MCCC2: variants seen among roughly 807,000 people sequenced by gnomAD.
The protein encoded by MCCC2 is methylcrotonoyl-CoA carboxylase beta chain, mitochondrial.
In MCCC2, 52 loss-of-function variants were observed where a neutral mutation model predicts 77.2. That is an observed-to-expected ratio of 0.67 (90% CI 0.54 to 0.85). The LOEUF is 0.85. Ranked by LOEUF, MCCC2 falls within the 40% of genes least tolerant of loss-of-function variation. MCCC2 has a pLI of 0.00. For synonymous variants in MCCC2, 253 were observed against 248.4 expected (o/e 1.02, Z -0.18); for missense variants, 682 against 703.2 (o/e 0.97, Z 0.34).
chr5:71,593,262 A>AT (rs960447000), intron 2 of MCCC2, among the ~76,000 whole-genome samples: 18 of 151,834 alleles, frequency 1.2e-4, no homozygotes, highest in African/African-American at 4.3e-4. Context: ...TAATTTTTGT[A>AT]TTTTTTAAAT....
chr5:71,640,961 T>G (rs745416943), intron 10 of MCCC2, 42 bp from the exon 11 acceptor site: 1 of 1,550,186 alleles, frequency 6.5e-7, no homozygotes, highest in Non-Finnish European at 8.9e-7. Context: ...AAAATTCTTT[T>G]GCAATATAAT....
intron 10 of MCCC2, among the ~76,000 whole-genome samples, chr5:71,639,864 A>G (rs955000962): frequency 6.6e-6 from 1 of 152,194 alleles, no homozygotes; most frequent in Admixed American, 6.5e-5. Flanking sequence ...AAAGAAGTAA[A>G]AAATAATTCA....
Position 71,656,751 on chromosome 5 carries a change from A to G in MCCC2, c.1583A>G (p.Asp528Gly), listed in dbSNP as rs1747591661. 2 of 1,613,452 alleles carry G rather than the reference A, an allele frequency of 1.2e-6. No homozygotes were observed. The highest frequency in any genetic ancestry group is 1.7e-6 in the Non-Finnish European group (2 of 1,179,444). Residue 528 changes from aspartate to glycine, a missense_variant, in exon 17 of 17, where the codon GAT becomes GGT. Physicochemically the swap from Asp to Gly is moderately conservative, Grantham distance 94. Transcript: ENST00000340941. Reference sequence around the variant, plus strand: ...TTTTGTTCTTTTGTCAGGGTATGGGATGATGGGATCATTGATCCAGCAGAC... The same window carrying G: ...TTTTGTTCTTTTGTCAGGGTATGGGGTGATGGGATCATTGATCCAGCAGAC... Reference protein sequence around the residue: ...NPYYSSARVWDDGIIDPADTR... With the variant: ...NPYYSSARVWGDGIIDPADTR...
chr5:71,619,681 G>A (rs2112390607), intron 6 of MCCC2, among the ~76,000 whole-genome samples: 2 of 152,262 alleles, frequency 1.3e-5, no homozygotes, highest in South Asian at 2.1e-4. Context: ...TTACAGGCGT[G>A]TGCTACCCTG....
In MCCC2 at chr5:71,604,394, G is replaced by C; in HGVS notation, c.550G>C (p.Val184Leu). Residue 184 changes from valine to leucine, a missense_variant, in exon 6 of 17, where the codon GTG becomes CTG. Val to Leu is a conservative substitution (Grantham distance 32). Coordinates refer to ENST00000340941, the MANE Select transcript of MCCC2 (RefSeq NM_022132.5). ...GGAYLPRQADVFPDRDHFGRT... is the reference protein window; with the variant it reads ...GGAYLPRQADLFPDRDHFGRT... ...AGCATACTTACCTCGACAAGCAGAT[G>C]TGTTTCCAGATCGAGACCACTTTGG... The C allele has an allele frequency of 1.9e-6, 3 of 1,614,136 alleles. No homozygotes were observed. The highest frequency in any genetic ancestry group is 2.5e-6 in the Non-Finnish European group (3 of 1,180,032).
In MCCC2 at chr5:71,650,105, C is replaced by T; in HGVS notation, c.1410C>T (p.Ile470=). 2.5e-6 allele frequency: 4 copies of T among 1,614,206 alleles called. No homozygotes were observed. Among genetic ancestry groups the T allele is most frequent in the Non-Finnish European group, 3.4e-6 (4 of 1,180,018 alleles). ...TCTACATTTGGCCAAATGCTCGTAT[C>T]TCAGTGATGGGAGGAGAGCAGGCAG... The part of the protein sequence containing the change: ...RFLYIWPNAR[I]SVMGGEQAAN... Residue 470 remains isoleucine, a synonymous_variant, in exon 15 of 17, where the codon ATC becomes ATT. Transcript: ENST00000340941.
At chr5:71,618,438 G>A (rs945068711) in intron 6 of MCCC2, among the ~76,000 whole-genome samples, 6 of 152,100 alleles carry the variant, frequency 3.9e-5, no homozygotes, top group Admixed American at 2.0e-4. Flanking sequence ...TTCCAGAACC[G>A]TGAAAAGTAA....
intron 6 of MCCC2, among the ~76,000 whole-genome samples, chr5:71,620,602 A>G (rs1286889717): frequency 6.6e-6 from 1 of 152,190 alleles, no homozygotes; most frequent in Non-Finnish European, 1.5e-5. Flanking sequence ...CTGTTGACCT[A>G]CAATATGTAA....
intron 11 of MCCC2, among the ~76,000 whole-genome samples, chr5:71,643,245 G>A (rs1339956686): frequency 6.6e-6 from 1 of 151,984 alleles, no homozygotes; most frequent in African/African-American, 2.4e-5. Flanking sequence ...AGCTGGGTGT[G>A]GGGGTGAGTG....
Position 71,656,914 on chromosome 5 carries a change from TA to T in MCCC2, c.*55del. ...ATGTACTGAAAATTAACACATGTAG[TA>T]GCCTTAAAATTTTAGACTTCTCGAA... On this transcript the variant is annotated 3_prime_UTR_variant, in exon 17 of 17. Coordinates refer to ENST00000340941, the MANE Select transcript of MCCC2 (RefSeq NM_022132.5). 7.3e-7 allele frequency: 1 copy of T among 1,379,064 alleles called. No individual in the cohort carries two copies. The highest frequency in any genetic ancestry group is 1.0e-6 in the Non-Finnish European group (1 of 966,792). The allele number at this position is 1,379,064 out of a possible 1,614,324, so 85.4% of individuals were successfully genotyped here.
chr5:71,613,239 T>C (rs572665459), intron 6 of MCCC2, among the ~76,000 whole-genome samples: 1 of 152,378 alleles, frequency 6.6e-6, no homozygotes, highest in African/African-American at 2.4e-5. Flanking sequence ...TTTTTATCTT[T>C]TGTTGGGGGA....
intron 7 of MCCC2, among the ~76,000 whole-genome samples, chr5:71,629,417 C>T (rs1368571795): frequency 5.3e-5 from 8 of 152,034 alleles, no homozygotes; most frequent in Non-Finnish European, 2.9e-5. Context: ...GATGGTTGCA[C>T]ACTTTGTGCA....
chr5:71,598,799 TGGA>T (rs1333907796), intron 3 of MCCC2, among the ~76,000 whole-genome samples: 3 of 152,024 alleles, frequency 2.0e-5, no homozygotes, highest in Admixed American at 2.0e-4. Context: ...TTGCCCAGGC[TGGA>T]GTGCAGTGGC....
Position 71,587,387 on chromosome 5 carries a change from G to A in MCCC2, c.-39G>A, listed in dbSNP as rs1744798543. 1 of 1,530,098 alleles carries A rather than the reference G, an allele frequency of 6.5e-7. No homozygotes were observed. Among genetic ancestry groups the A allele is most frequent in the South Asian group, 1.2e-5 (1 of 83,394 alleles). 94.8% of individuals were successfully genotyped at this position (1,530,098 alleles called of 1,614,324 possible). ...GCGGCAGGGGAAAGCACCGGCTCCA[G>A]GCCAGCGTGGGCCGCTCTCTCGCTC... is the stretch of plus-strand genomic sequence containing the variant. On this transcript the variant is annotated 5_prime_UTR_variant, in exon 1 of 17. Transcript: ENST00000340941.
intron 13 of MCCC2, among the ~76,000 whole-genome samples, 154 bp from the exon 14 acceptor site, chr5:71,648,943 A>G (rs778345166): frequency 2.0e-5 from 3 of 152,260 alleles, no homozygotes; most frequent in Non-Finnish European, 4.4e-5. Context: ...TTTAAAGCAA[A>G]CTTTTTAACG....
intron 14 of MCCC2, among the ~76,000 whole-genome samples, chr5:71,649,461 C>T (rs1335132094): frequency 2.0e-5 from 3 of 152,154 alleles, no homozygotes; most frequent in Non-Finnish European, 4.4e-5. Flanking sequence ...TCAAGAAATA[C>T]TTGAAATGGC....
At chr5:71,625,313 T>C (rs924488622) in intron 6 of MCCC2, among the ~76,000 whole-genome samples, 1 of 152,208 alleles carries the variant, frequency 6.6e-6, no homozygotes, top group Non-Finnish European at 1.5e-5. Context: ...TGTCCTTTGC[T>C]TCCCACAGAA....
At chr5:71,638,668 A>G (rs1280793360) in intron 10 of MCCC2, among the ~76,000 whole-genome samples, 2 of 152,152 alleles carry the variant, frequency 1.3e-5, no homozygotes, top group African/African-American at 4.8e-5. Context: ...TTACAGGTGC[A>G]TGCCACCATT....
At chr5:71,599,093 C>T (rs1428079797) in intron 3 of MCCC2, among the ~76,000 whole-genome samples, 2 of 151,880 alleles carry the variant, frequency 1.3e-5, no homozygotes, top group Admixed American at 6.5e-5. Flanking sequence ...CTTGGCTGGG[C>T]GTGGTGGCTC....
Sources: gnomAD v4.1 joint callset for allele counts (sites outside exome capture counted in the v4.1 genomes callset) on GRCh38, gnomAD v4.1.1 for gene constraint, MANE v1.5 for transcripts, NCBI Gene and HGNC (gene_info 2026-07-23, HGNC 2026-07-21) for gene names.